Variants in SLC9A1 observed in about 807,000 individuals in gnomAD.
The protein encoded by SLC9A1 is solute carrier family 9 member A1.
A neutral mutation model predicts 67.9 loss-of-function variants in SLC9A1; 22 were observed. That is an observed-to-expected ratio of 0.32 (90% CI 0.23 to 0.46). SLC9A1 has a LOEUF of 0.46. Among genes scored for constraint, SLC9A1 ranks in the 20% least tolerant of loss-of-function variants. The pLI is 1.00. For missense variants in SLC9A1, 686 were observed against 1,094.8 expected, an observed-to-expected ratio of 0.63 and a Z score of 5.27; for synonymous variants, 421 against 471.8, an observed-to-expected ratio of 0.89 and a Z score of 1.40.
chr1:27,124,771 T>C (rs546984614), intron 1 of SLC9A1, among the ~76,000 whole-genome samples: 7 of 152,110 alleles, frequency 4.6e-5, no homozygotes, highest in Non-Finnish European at 8.8e-5. Context: ...CATCCTCCAC[T>C]TGGACATTTT....
At position 27,114,369 on chromosome 1, in the gene SLC9A1, G is replaced by C; in HGVS notation, c.353-83C>G. 2 of 1,132,296 alleles carry C rather than the reference G, an allele frequency of 1.8e-6. No homozygotes were observed. Among genetic ancestry groups the C allele is most frequent in the Non-Finnish European group, 2.5e-6 (2 of 786,444 alleles). The allele number at this position is 1,132,296 out of a possible 1,614,324, so 70.1% of individuals were successfully genotyped here. Reference sequence around the variant, plus strand: ...AGGTTGGGGATGGGCCGGGGATGAGGAGCGCAGTTGGTGAGAGGTGCACAG... The same window carrying C: ...AGGTTGGGGATGGGCCGGGGATGAGCAGCGCAGTTGGTGAGAGGTGCACAG... On this transcript the variant is annotated intron_variant, in intron 1 of 11. Transcript: ENST00000263980. The surrounding 1 kb of genome is among the most constrained non-coding windows in gnomAD (Gnocchi z 5.4).
At chr1:27,141,419 C>T (rs2083452357) in intron 1 of SLC9A1, among the ~76,000 whole-genome samples, 1 of 152,174 alleles carries the variant, frequency 6.6e-6, no homozygotes, top group Admixed American at 6.5e-5. Flanking sequence ...AAGCTTCTGG[C>T]TGTGCCCAGT....
chr1:27,113,967 G>A lies in SLC9A1; in HGVS notation c.672C>T (p.Leu224=), dbSNP rs1468422522. The A allele has an allele frequency of 8.1e-6, 13 of 1,614,124 alleles. No individual in the cohort carries two copies. The highest frequency in any genetic ancestry group is 3.3e-5 in the Admixed American group (2 of 60,010). ...TGCTGCCGAAGAGCAGGTTGTCCAG[G>A]AGGCCGATGTTGTTGATCTGCTCAC... ...VGGEQINNIG[L]LDNLLFGSII... is the part of the protein sequence containing the mutation. Residue 224 remains leucine (L), a synonymous_variant, in exon 2 of 12, where the codon CTC becomes CTT. Transcript: ENST00000263980.
In SLC9A1 at chr1:27,147,460, C is replaced by T. The variant is rs184681624; in HGVS notation, c.352+6523G>A. Among the ~76,000 whole-genome samples the T allele has an allele frequency of 5.3e-5, 8 of 151,914 alleles. No homozygotes were observed. In the East Asian group the frequency reaches 1.6e-3, roughly 29 times the overall value. ...GAGCCGAGATCGCCTCACTGCACTC[C>T]AGCCTGGGCGACAGAGTGAGACTCC... On this transcript the variant is annotated intron_variant, in intron 1 of 11. Coordinates refer to ENST00000263980, the MANE Select transcript of SLC9A1 (RefSeq NM_003047.5).
At chr1:27,126,148 C>G (rs1031326905) in intron 1 of SLC9A1, among the ~76,000 whole-genome samples, 2 of 152,140 alleles carry the variant, frequency 1.3e-5, no homozygotes, top group African/African-American at 4.8e-5. Context: ...GATGCCACCT[C>G]CCCAGAGAGG....
At chr1:27,145,709 C>T (rs987419080) in intron 1 of SLC9A1, among the ~76,000 whole-genome samples, 26 of 152,274 alleles carry the variant, frequency 1.7e-4, no homozygotes, top group African/African-American at 6.0e-4. Flanking sequence ...TCAGTTAGAA[C>T]TGCTTAAGGA....
intron 1 of SLC9A1, among the ~76,000 whole-genome samples, chr1:27,123,127 T>C (rs752027947): frequency 2.6e-5 from 4 of 152,226 alleles, no homozygotes; most frequent in Non-Finnish European, 4.4e-5. Context: ...TGGTTTCTTT[T>C]GATTTTCTCA....
intron 3 of SLC9A1, among the ~76,000 whole-genome samples, 197 bp from the exon 4 acceptor site, chr1:27,108,062 ATTTTTTT>A (rs1026584834): frequency 1.2e-4 from 13 of 108,924 alleles, no homozygotes; most frequent in Admixed American, 1.1e-3. Context: ...GTATTCCTCC[ATTTTTTT>A]TTTTTTTTTT....
intron 1 of SLC9A1, among the ~76,000 whole-genome samples, chr1:27,130,397 C>T (rs1213812590): frequency 2.6e-5 from 4 of 152,186 alleles, no homozygotes; most frequent in Non-Finnish European, 5.9e-5. Context: ...CCACCGCACC[C>T]GGCCTAAACT....
At chr1:27,144,508 T>C (rs969554669) in intron 1 of SLC9A1, among the ~76,000 whole-genome samples, 4 of 152,216 alleles carry the variant, frequency 2.6e-5, no homozygotes, top group African/African-American at 9.6e-5. Context: ...CCCAGCGAGC[T>C]CAGTTAAACT....
At position 27,137,533 on chromosome 1, in the gene SLC9A1, TC is replaced by T. The variant is rs2083427649; in HGVS notation, c.352+16449del. Among the ~76,000 whole-genome samples the T allele has an allele frequency of 3.9e-5, 6 of 152,278 alleles. No homozygotes were observed. The South Asian group carries it at 1.2e-3, about 32-fold the overall frequency. ...AAGTTGCAAGTGGGGGAGGGGGGTTTCAGTCCTGGTCTTTTGATTCCCTAAC... is the reference window on the plus strand; with the variant it reads ...AAGTTGCAAGTGGGGGAGGGGGGTTTAGTCCTGGTCTTTTGATTCCCTAAC... On this transcript the variant is annotated intron_variant, in intron 1 of 11. Coordinates refer to ENST00000263980, the MANE Select transcript of SLC9A1 (RefSeq NM_003047.5). The surrounding 1 kb of genome is among the most constrained non-coding windows in gnomAD (Gnocchi z 4.6).
chr1:27,104,799 G>A (rs2083173120), intron 5 of SLC9A1, among the ~76,000 whole-genome samples: 1 of 152,066 alleles, frequency 6.6e-6, no homozygotes, highest in South Asian at 2.1e-4. Flanking sequence ...GAGTATCAGT[G>A]CCCAGAAAAG....
At chr1:27,138,148 C>G (rs1381256567) in intron 1 of SLC9A1, among the ~76,000 whole-genome samples, 1 of 152,234 alleles carries the variant, frequency 6.6e-6, no homozygotes, top group African/African-American at 2.4e-5. Context: ...ACCATGAATC[C>G]TAGCCCCAGG....
chr1:27,144,390 GAA>G (rs2083469345), intron 1 of SLC9A1, among the ~76,000 whole-genome samples: 1 of 152,326 alleles, frequency 6.6e-6, no homozygotes, highest in Admixed American at 6.5e-5. Context: ...CCGGCCCAGA[GAA>G]GATGCCCTTG....
At chr1:27,138,256 C>T (rs575978686) in intron 1 of SLC9A1, among the ~76,000 whole-genome samples, 3 of 152,226 alleles carry the variant, frequency 2.0e-5, no homozygotes, top group Non-Finnish European at 4.4e-5. Context: ...AGCACACCCC[C>T]CTCAGGGGCC....
chr1:27,150,802 AC>A (rs1257759192), intron 1 of SLC9A1, among the ~76,000 whole-genome samples: 1 of 152,120 alleles, frequency 6.6e-6, no homozygotes, highest in African/African-American at 2.4e-5. Flanking sequence ...GCAAGAGTCT[AC>A]CCGAGGCTCT....
chr1:27,139,650 T>G (rs894162637), intron 1 of SLC9A1, among the ~76,000 whole-genome samples: 7 of 152,132 alleles, frequency 4.6e-5, no homozygotes, highest in Non-Finnish European at 7.4e-5. Flanking sequence ...GTGAGGCGTG[T>G]TTGGGGGTGA....
chr1:27,101,938 G>A lies in SLC9A1; in HGVS notation c.1935+78C>T, dbSNP rs187418111. The A allele has an allele frequency of 7.7e-5, 109 of 1,416,088 alleles. 1 individual carries two copies. In the Admixed American group the frequency reaches 1.4e-3, roughly 19 times the overall value. The allele number at this position is 1,416,088 out of a possible 1,614,324, so 87.7% of individuals were successfully genotyped here. A position where few individuals can be genotyped will look rare whatever the true frequency, so the allele number is the denominator to read the frequency against. On this transcript the variant is annotated intron_variant, in intron 9 of 11. Transcript: ENST00000263980. This position sits in a 1 kb window ranked among gnomAD's most constrained non-coding sequence, Gnocchi z 4.9. ...TCCTGGGGTGGGTGCCGAGGGGCAC[G>A]GGCAGGGCAGGGCTGCCGTAGAGAG... is the stretch of plus-strand genomic sequence containing the variant.
intron 1 of SLC9A1, among the ~76,000 whole-genome samples, chr1:27,115,131 G>T (rs1439447938): frequency 6.6e-6 from 1 of 152,196 alleles, no homozygotes; most frequent in Non-Finnish European, 1.5e-5. Context: ...ACACAGGTCT[G>T]ATGCCCCAGT....
Sources: gnomAD v4.1 joint callset for allele counts (sites outside exome capture counted in the v4.1 genomes callset) on GRCh38, gnomAD v4.1.1 for gene constraint, Gnocchi (gnomAD v3.1) non-coding constraint, MANE v1.5 for transcripts, NCBI Gene and HGNC (gene_info 2026-07-23, HGNC 2026-07-21) for gene names.